The following PDS5A variants were observed in gnomAD, a reference collection of about 807,000 sequenced individuals.
The protein encoded by PDS5A is sister chromatid cohesion protein PDS5 homolog A.
Under a neutral mutation model 167.1 loss-of-function variants are expected in PDS5A, and 42 were observed. The ratio of observed to expected loss-of-function variants is 0.25; its 90% confidence interval spans 0.20 to 0.33. The LOEUF (loss-of-function observed/expected upper bound fraction) is 0.33. Among genes scored for constraint, PDS5A ranks in the 10% least tolerant of loss-of-function variants. PDS5A has a pLI of 1.00. For synonymous variants in PDS5A, 553 were observed against 554.6 expected (o/e 1.00, Z 0.04); for missense variants, 1,033 against 1,605.9 (o/e 0.64, Z 6.10).
At chr4:39,906,927 A>AAAC (rs1553899892) in intron 11 of PDS5A, among the ~76,000 whole-genome samples, 6 of 148,814 alleles carry the variant, frequency 4.0e-5, no homozygotes, top group Admixed American at 6.6e-5. Context: ...TAAAAAAAAA[A>AAAC]AAAAAAAAAA....
At chr4:39,837,513 G>C in intron 32 of PDS5A, 1 of 207,552 alleles carries the variant, frequency 4.8e-6, no homozygotes, top group East Asian at 1.2e-4. Context: ...TCCATTTCTG[G>C]GACCTTGTAT....
Position 39,926,838 on chromosome 4 carries a change from T to C in PDS5A, c.366A>G (p.Arg122=). ...KLKDIFLFIT[R]QLKGLEDTKS... The stretch of plus-strand genomic sequence containing the variant: ...TTGTATCCTCCAAACCTTTTAATTG[T>C]CTGGTAATAAACAAAAATATGTCCT... The change falls in exon 4 of 33, where the codon AGA becomes AGG. Residue 122 remains arginine, a synonymous_variant. Coordinates refer to ENST00000303538, the MANE Select transcript of PDS5A (RefSeq NM_001100399.2). 7.0e-7 allele frequency: 1 copy of C among 1,418,444 alleles called. No individual in the cohort carries two copies. Among genetic ancestry groups the C allele is most frequent in the Non-Finnish European group, 9.3e-7 (1 of 1,077,188 alleles). The allele number at this position is 1,418,444 out of a possible 1,614,324, so 87.9% of individuals were successfully genotyped here. A position where few individuals can be genotyped will look rare whatever the true frequency, so the allele number is the denominator to read the frequency against.
intron 7 of PDS5A, among the ~76,000 whole-genome samples, chr4:39,918,808 GCAC>G (rs1291474302): frequency 3.3e-5 from 5 of 152,160 alleles, no homozygotes; most frequent in Non-Finnish European, 5.9e-5. Context: ...AGCTGAAATC[GCAC>G]CACTACACTC....
In PDS5A at chr4:39,971,022, T is replaced by C. The variant is rs184073642; in HGVS notation, c.138+5418A>G. On this transcript the variant is annotated intron_variant, in intron 2 of 32. Transcript: ENST00000303538. ...CCTGGGCTCAAGTGTTCCTCCCACC[T>C]TGACCTCCTGAAGTGCTGGGATTAC... Among the ~76,000 whole-genome samples the C allele has an allele frequency of 4.6e-3, 702 of 151,670 alleles. 15 individuals carry two copies. Among genetic ancestry groups the C allele is most frequent in the African/African-American group, 0.016 (662 of 41,254 alleles).
At position 39,973,738 on chromosome 4, in the gene PDS5A, G is replaced by A. The variant is rs200423181; in HGVS notation, c.138+2702C>T. Reference sequence around the variant, plus strand: ...CACTAACCAGCATATGCAGAGAATGGCAAGTGTACGAGCTGTGCCCAACCA... The same window carrying A: ...CACTAACCAGCATATGCAGAGAATGACAAGTGTACGAGCTGTGCCCAACCA... On this transcript the variant is annotated intron_variant, in intron 2 of 32. Transcript: ENST00000303538. 3 of 1,286,890 alleles carry A rather than the reference G, an allele frequency of 2.3e-6. No individual in the cohort carries two copies. In the African/African-American group the frequency reaches 4.4e-5, roughly 19 times the overall value. The allele number at this position is 1,286,890 out of a possible 1,614,324, so 79.7% of individuals were successfully genotyped here.
chr4:39,947,190 ACGCCTGTAATCCCAGCAATT>A (rs566070443), intron 2 of PDS5A, among the ~76,000 whole-genome samples: 1 of 152,318 alleles, frequency 6.6e-6, no homozygotes, highest in African/African-American at 2.4e-5. Flanking sequence ...ATGGTGGTTC[ACGCCTGTAATCCCAGCAATT>A]TGGGAGGGTG....
chr4:39,847,521 T>G (rs1717715326), intron 28 of PDS5A: 1 of 151,958 alleles, frequency 6.6e-6, no homozygotes, highest in South Asian at 2.1e-4. Context: ...GGAGAACTGA[T>G]TGAGCCAGGG....
chr4:39,840,106 C>G (rs985833224), intron 31 of PDS5A, among the ~76,000 whole-genome samples: 2 of 151,040 alleles, frequency 1.3e-5, no homozygotes, highest in Non-Finnish European at 3.0e-5. Context: ...CAAAAGAAAA[C>G]AAAACAAAAC....
chr4:39,881,509 T>TA lies in PDS5A; in HGVS notation c.1887-1677dup, dbSNP rs1200396836. Among the ~76,000 whole-genome samples, 21 of 152,174 alleles carry TA rather than the reference T, an allele frequency of 1.4e-4. No individual in the cohort carries two copies. In the South Asian group the frequency reaches 1.9e-3, roughly 14 times the overall value. Reference sequence around the variant, plus strand: ...TTATCTTCAGTTAATCTGATAACATTAAAAAAACAAATTGCTGTATATGTG... The same window carrying TA: ...TTATCTTCAGTTAATCTGATAACATTAAAAAAAACAAATTGCTGTATATGTG... On this transcript the variant is annotated intron_variant, in intron 17 of 32. Coordinates refer to ENST00000303538, the MANE Select transcript of PDS5A (RefSeq NM_001100399.2).
intron 32 of PDS5A, among the ~76,000 whole-genome samples, chr4:39,831,854 C>A (rs1382924855): frequency 9.7e-5 from 9 of 92,930 alleles, no homozygotes; most frequent in Admixed American, 3.7e-4. Context: ...CCAGCCTAGG[C>A]AACAAGAGCG....
intron 2 of PDS5A, chr4:39,932,410 A>G (rs1294718531): frequency 5.9e-6 from 1 of 170,172 alleles, no homozygotes; most frequent in African/African-American, 2.4e-5. Context: ...AAACTTAGCC[A>G]TAAGAGTGAC....
intron 31 of PDS5A, among the ~76,000 whole-genome samples, chr4:39,840,366 G>A (rs1296350137): frequency 2.0e-5 from 3 of 152,182 alleles, no homozygotes; most frequent in Admixed American, 6.5e-5. Context: ...CGTCAAGCAC[G>A]GCTCACGCCT....
intron 18 of PDS5A, 122 bp downstream of exon 18, chr4:39,879,606 A>G (rs1488071228): frequency 1.8e-6 from 1 of 551,752 alleles, no homozygotes; most frequent in Admixed American, 3.0e-5. Flanking sequence ...CTAATTTCCA[A>G]CACAAGTTTT....
At chr4:39,836,425 C>T (rs561926801) in intron 32 of PDS5A, among the ~76,000 whole-genome samples, 5 of 152,050 alleles carry the variant, frequency 3.3e-5, no homozygotes, top group African/African-American at 7.2e-5. Context: ...TTCAGAATTC[C>T]GTAAATGCTA....
intron 28 of PDS5A, chr4:39,846,144 G>A (rs1340966446): frequency 1.4e-5 from 3 of 214,180 alleles, no homozygotes; most frequent in Non-Finnish European, 2.6e-5. Flanking sequence ...GCACACACAT[G>A]TTTTCATACG....
At chr4:39,974,180 C>T (rs1335100750) in intron 2 of PDS5A, 4 of 577,044 alleles carry the variant, frequency 6.9e-6, no homozygotes, top group Admixed American at 3.8e-5. Context: ...TCTACTGAGA[C>T]CAAGTCCTCG....
At chr4:39,844,178 A>T (rs1717349613) in intron 30 of PDS5A, among the ~76,000 whole-genome samples, 1 of 152,074 alleles carries the variant, frequency 6.6e-6, no homozygotes, top group Admixed American at 6.6e-5. Context: ...AAATTAAGAA[A>T]AAAAAGAAAA....
At chr4:39,890,116 T>G in intron 17 of PDS5A, 133 bp downstream of exon 17, 1 of 486,566 alleles carries the variant, frequency 2.1e-6, no homozygotes, top group Non-Finnish European at 3.6e-6. Flanking sequence ...TCAACTTGAA[T>G]GATGTACAAC....
intron 2 of PDS5A, chr4:39,974,426 C>T: frequency 9.4e-6 from 3 of 319,526 alleles, no homozygotes; most frequent in Non-Finnish European, 1.8e-5. Flanking sequence ...AACGATCCAT[C>T]AATTGTTTAA....
Sources: gnomAD v4.1 joint callset for allele counts (sites outside exome capture counted in the v4.1 genomes callset) on GRCh38, gnomAD v4.1.1 for gene constraint, MANE v1.5 for transcripts, NCBI Gene and HGNC (gene_info 2026-07-23, HGNC 2026-07-21) for gene names.